Variants in STPG2 observed in about 807,000 individuals in gnomAD.
STPG2 encodes sperm tail PG-rich repeat containing 2, also known as sperm-tail PG-rich repeat-containing protein 2.
A neutral mutation model predicts 54.2 loss-of-function variants in STPG2; 56 were observed. The ratio of observed to expected loss-of-function variants is 1.03; its 90% CI spans 0.83 to 1.29. STPG2 has a LOEUF of 1.29. STPG2 is among the 50% of genes most tolerant of loss of function. STPG2 has a pLI of 0.00. For missense variants in STPG2, 596 were observed against 544.9 expected (o/e 1.09, Z -0.93); for synonymous variants, 200 against 181.8 (o/e 1.10, Z -0.81).
At chr4:97,550,182 C>T (rs1272623084) in intron 4 of STPG2, among the ~76,000 whole-genome samples, 1 of 151,896 alleles carries the variant, frequency 6.6e-6, no homozygotes, top group Non-Finnish European at 1.5e-5. Context: ...AAGATGTGTA[C>T]GAAAGTATTT....
chr4:97,470,488 C>T (rs1301052535), intron 4 of STPG2, among the ~76,000 whole-genome samples: 1 of 152,026 alleles, frequency 6.6e-6, no homozygotes, highest in Non-Finnish European at 1.5e-5. Flanking sequence ...CCCCCTTCAT[C>T]TGTGGGGAAT....
intron 10 of STPG2, among the ~76,000 whole-genome samples, chr4:97,564,073 T>A (rs1329560777): frequency 6.6e-6 from 1 of 152,194 alleles, no homozygotes; most frequent in Non-Finnish European, 1.5e-5. Flanking sequence ...AGTCTAAGTC[T>A]CATTGTAGGT....
At chr4:97,624,567 T>C (rs1053573670) in intron 10 of STPG2, among the ~76,000 whole-genome samples, 5 of 152,354 alleles carry the variant, frequency 3.3e-5, no homozygotes, top group Non-Finnish European at 7.3e-5. Flanking sequence ...TCTCCCATTC[T>C]GTAGGTTGTC....
intron 4 of STPG2, among the ~76,000 whole-genome samples, chr4:97,461,639 G>A (rs1386707901): frequency 6.6e-6 from 1 of 152,112 alleles, no homozygotes; most frequent in African/African-American, 2.4e-5. Context: ...CCAGTCTATG[G>A]TATTCTGTTA....
chr4:97,448,617 T>C lies in STPG2; in HGVS notation c.463-260784A>G, dbSNP rs527445418. On this transcript the variant is annotated intron_variant, in intron 4 of 4. Transcript: ENST00000522676. ...GCTTCTCATATGCCTTCCACCATGA[T>C]TGGAAGTTTCCTGAGACCTCCCCAG... 4.6e-5 allele frequency among the ~76,000 whole-genome samples: 7 copies of C among 152,298 alleles called. No homozygotes were observed. The East Asian group carries it at 1.2e-3, about 25-fold the overall frequency.
Position 97,823,439 on chromosome 4 carries a change from T to C in STPG2, c.1204+17334A>G, listed in dbSNP as rs72881433. ...GAATGCACATCTGATTACAGCATGG[T>C]TTACTAAATATTTTAAGCCTGCTGT... On this transcript the variant is annotated intron_variant, in intron 9 of 10. Transcript: ENST00000295268. Among the ~76,000 whole-genome samples, 382 of 152,300 alleles carry C rather than the reference T, an allele frequency of 2.5e-3. 2 individuals carry two copies. The highest frequency in any genetic ancestry group is 8.9e-3 in the African/African-American group (372 of 41,568).
intron 4 of STPG2, among the ~76,000 whole-genome samples, chr4:97,465,721 A>T (rs1466601024): frequency 6.6e-6 from 1 of 152,100 alleles, no homozygotes; most frequent in Non-Finnish European, 1.5e-5. Flanking sequence ...TACTTATAAT[A>T]CCTAATACAA....
At chr4:97,963,212 A>T (rs1372263034) in intron 7 of STPG2, among the ~76,000 whole-genome samples, 1 of 152,130 alleles carries the variant, frequency 6.6e-6, no homozygotes, top group African/African-American at 2.4e-5. Context: ...TTTTATCTAA[A>T]TGTCAGGTTA....
intron 10 of STPG2, among the ~76,000 whole-genome samples, chr4:97,612,294 C>G (rs1733751895): frequency 6.8e-6 from 1 of 147,218 alleles, no homozygotes; most frequent in South Asian, 2.1e-4. Context: ...CAAAGGAAAA[C>G]AGAATTGTCA....
intron 10 of STPG2, among the ~76,000 whole-genome samples, chr4:97,579,027 G>A (rs1474260475): frequency 6.6e-6 from 1 of 152,056 alleles, no homozygotes; most frequent in Non-Finnish European, 1.5e-5. Context: ...TCTGTTTTCA[G>A]CTAAGAACTC....
In STPG2 at chr4:97,854,283, C is replaced by T. The variant is rs140664606; in HGVS notation, c.1045-13351G>A. ...GTCAGCTTTTTTGCTGGCTATATAA[C>T]CATATAACCATGGTCAAATTATATT... On this transcript the variant is annotated intron_variant, in intron 8 of 10. Transcript: ENST00000295268. 4.2e-3 allele frequency among the ~76,000 whole-genome samples: 642 copies of T among 152,034 alleles called. 3 individuals are homozygous for T. The highest frequency in any genetic ancestry group is 0.024 in the South Asian group (117 of 4,826).
At chr4:98,010,320 TTTAA>T in intron 5 of STPG2, among the ~76,000 whole-genome samples, 1 of 152,252 alleles carries the variant, frequency 6.6e-6, no homozygotes, top group Middle Eastern at 3.4e-3. Flanking sequence ...CAAGAAACGT[TTTAA>T]TTGCCTTCTT....
intron 9 of STPG2, among the ~76,000 whole-genome samples, chr4:97,739,941 G>A (rs1258651278): frequency 6.6e-6 from 1 of 151,998 alleles, no homozygotes; most frequent in South Asian, 2.1e-4. Context: ...TATCCTTGAT[G>A]AACATTGATG....
intron 5 of STPG2, among the ~76,000 whole-genome samples, chr4:98,067,450 C>T (rs1430922258): frequency 6.6e-6 from 1 of 152,104 alleles, no homozygotes; most frequent in East Asian, 1.9e-4. Flanking sequence ...ATGATTTAAC[C>T]TTTTGAACAG....
At chr4:97,566,235 C>T (rs771899051) in intron 10 of STPG2, among the ~76,000 whole-genome samples, 5 of 152,158 alleles carry the variant, frequency 3.3e-5, no homozygotes, top group South Asian at 2.1e-4. Context: ...TAGGACCCTC[C>T]GAGCCTGGTG....
chr4:97,749,585 G>T (rs1180065365), intron 9 of STPG2, among the ~76,000 whole-genome samples: 1 of 151,632 alleles, frequency 6.6e-6, no homozygotes, highest in African/African-American at 2.4e-5. Context: ...ATATTTGAGT[G>T]ATTTATTTTA....
chr4:97,635,631 A>G (rs148460633), intron 10 of STPG2, among the ~76,000 whole-genome samples: 16,530 of 152,234 alleles, frequency 0.11, 2,676 homozygotes, highest in African/African-American at 0.36. Context: ...GCTCAAAATA[A>G]AGGGATGGAG....
intron 5 of STPG2, among the ~76,000 whole-genome samples, chr4:98,091,035 A>G (rs1018432384): frequency 1.3e-5 from 2 of 151,810 alleles, no homozygotes; most frequent in African/African-American, 4.8e-5. Context: ...CCAAATCTCC[A>G]TATCATCATT....
At chr4:98,023,776 T>C (rs1039123697) in intron 5 of STPG2, among the ~76,000 whole-genome samples, 1 of 152,190 alleles carries the variant, frequency 6.6e-6, no homozygotes, top group African/African-American at 2.4e-5. Context: ...TGCAGTTTGA[T>C]CTCAGACTGC....
Sources: allele counts gnomAD v4.1 joint callset (sites outside exome capture counted in the v4.1 genomes callset), GRCh38; gene constraint gnomAD v4.1.1; transcripts MANE v1.5; gene names NCBI Gene and HGNC (gene_info 2026-07-23, HGNC 2026-07-21).